Variants in XRCC5 observed in about 807,000 individuals in gnomAD.
XRCC5 encodes DNA repair protein Ku80.
A neutral mutation model predicts 95.7 loss-of-function variants in XRCC5; 12 were observed. The ratio of observed to expected loss-of-function variants is 0.13; its 90% confidence interval spans 0.08 to 0.20. The LOEUF is 0.20. Ranked by LOEUF, XRCC5 falls within the 10% of genes least tolerant of loss-of-function variation. The pLI, the probability that XRCC5 is intolerant of heterozygous loss-of-function variation, is 1.00. For synonymous variants in XRCC5, 281 were observed against 290.3 expected, an observed-to-expected ratio of 0.97 and a Z score of 0.33; for missense variants, 595 against 873.9, an observed-to-expected ratio of 0.68 and a Z score of 4.02.
At chr2:216,175,227 C>A in intron 16 of XRCC5, 1 of 384,054 alleles carries the variant, frequency 2.6e-6, no homozygotes, top group South Asian at 2.0e-5. Context: ...CCGTCACCTC[C>A]ACATCCATTA....
intron 10 of XRCC5, among the ~76,000 whole-genome samples, chr2:216,134,779 A>T (rs974111953): frequency 6.6e-6 from 1 of 151,962 alleles, no homozygotes; most frequent in African/African-American, 2.4e-5. Context: ...TCAAAGACAT[A>T]TAAATAAAAA....
intron 1 of XRCC5, chr2:216,110,637 C>T (rs1696570113): frequency 6.6e-6 from 1 of 152,200 alleles, no homozygotes; most frequent in African/African-American, 2.4e-5. Context: ...GAAATATAGA[C>T]CATTCTGCTT....
At chr2:216,181,260 AGT>A (rs1689381522) in intron 16 of XRCC5, among the ~76,000 whole-genome samples, 1 of 152,196 alleles carries the variant, frequency 6.6e-6, no homozygotes, top group African/African-American at 2.4e-5. Context: ...ATCATTGGAC[AGT>A]TCCAGCATCC....
At chr2:216,155,815 T>C (rs1688831577) in intron 14 of XRCC5, among the ~76,000 whole-genome samples, 1 of 152,066 alleles carries the variant, frequency 6.6e-6, no homozygotes, top group Admixed American at 6.6e-5. Flanking sequence ...GATATATCGG[T>C]GGGTACAAGA....
intron 13 of XRCC5, among the ~76,000 whole-genome samples, chr2:216,145,812 T>C (rs1244827358): frequency 6.6e-6 from 1 of 152,208 alleles, no homozygotes; most frequent in African/African-American, 2.4e-5. Flanking sequence ...GTAGGATACT[T>C]GTCCATTGGT....
At chr2:216,195,542 G>A (rs1178799945) in intron 19 of XRCC5, among the ~76,000 whole-genome samples, 1 of 151,634 alleles carries the variant, frequency 6.6e-6, no homozygotes, top group Non-Finnish European at 1.5e-5. Context: ...TCAGGTGATT[G>A]TATTGTATAG....
Position 216,141,242 on chromosome 2 carries a change from G to A in XRCC5, c.1399G>A (p.Asp467Asn). 1 of 1,614,146 alleles carries A rather than the reference G, an allele frequency of 6.2e-7. No homozygotes were observed. Among genetic ancestry groups the A allele is most frequent in the Non-Finnish European group, 8.5e-7 (1 of 1,179,990 alleles). ...TGACTCCATGAGCTTGGCAAAGAAA[G>A]ATGAGAAGACAGACACCCTTGAAGA... ...LIDSMSLAKK[D>N]EKTDTLEDLF... The change falls in exon 13 of 21, where the codon GAT (aspartate) becomes AAT (asparagine). Residue 467 changes from aspartate (D) to asparagine (N), a missense_variant. This residue lies in a region of XRCC5 where 309 missense variants were observed against 382.9 expected (regional missense o/e 0.81). Transcript: ENST00000392132.
intron 1 of XRCC5, among the ~76,000 whole-genome samples, chr2:216,112,363 CTTGAGTGGA>C (rs1696604118): frequency 6.6e-6 from 1 of 152,222 alleles, no homozygotes; most frequent in South Asian, 2.1e-4. Context: ...CTCCACCAGT[CTTGAGTGGA>C]TGCTCCTCCT....
At chr2:216,121,795 AC>A (rs1402345440) in intron 5 of XRCC5, among the ~76,000 whole-genome samples, 12 of 152,176 alleles carry the variant, frequency 7.9e-5, no homozygotes, top group African/African-American at 2.4e-4. Context: ...CACAGTTGAG[AC>A]CCTGGGTCTG....
In XRCC5 at chr2:216,199,873, T is replaced by C. The variant is rs72954669; in HGVS notation, c.2110-4449T>C. The stretch of plus-strand genomic sequence containing the variant: ...AGGCTGAGCTATATCTAAATAATCA[T>C]TTGATGTAAGCTCTGTGAAAAAAAA... On this transcript the variant is annotated intron_variant, in intron 19 of 20. Coordinates refer to ENST00000392132, the MANE Select transcript of XRCC5 (RefSeq NM_021141.4). Among the ~76,000 whole-genome samples the C allele has an allele frequency of 5.6e-4, 84 of 150,304 alleles. 1 individual carries two copies. Among genetic ancestry groups the C allele is most frequent in the Non-Finnish European group, 1.1e-3 (77 of 67,630 alleles).
chr2:216,171,642 T>C (rs1448102805), intron 16 of XRCC5, among the ~76,000 whole-genome samples: 1 of 152,228 alleles, frequency 6.6e-6, no homozygotes, highest in East Asian at 1.9e-4. Flanking sequence ...ATTTCATTGG[T>C]AGCCATTTGA....
intron 18 of XRCC5, among the ~76,000 whole-genome samples, 200 bp downstream of exon 18, chr2:216,192,935 G>C (rs1689645473): frequency 6.6e-6 from 1 of 152,152 alleles, no homozygotes; most frequent in African/African-American, 2.4e-5. Context: ...CATAAATACA[G>C]AGTGATAAAT....
intron 10 of XRCC5, among the ~76,000 whole-genome samples, chr2:216,134,397 C>G (rs1221051258): frequency 1.3e-5 from 2 of 151,542 alleles, no homozygotes; most frequent in African/African-American, 4.8e-5. Flanking sequence ...AGCAGTCATT[C>G]ACAGCCCCAT....
At chr2:216,195,132 TC>T in intron 19 of XRCC5, 146 bp downstream of exon 19, 1 of 701,126 alleles carries the variant, frequency 1.4e-6, no homozygotes, top group Non-Finnish European at 2.4e-6. Flanking sequence ...AACCACAGCA[TC>T]CCCATGGGAG....
At chr2:216,131,688 G>A (rs1439157776) in intron 9 of XRCC5, among the ~76,000 whole-genome samples, 1 of 152,164 alleles carries the variant, frequency 6.6e-6, no homozygotes, top group Non-Finnish European at 1.5e-5. Flanking sequence ...GTGCCTCAGT[G>A]TTACTCTTAG....
chr2:216,160,489 G>T (rs999660302), intron 15 of XRCC5, among the ~76,000 whole-genome samples: 1 of 152,094 alleles, frequency 6.6e-6, no homozygotes, highest in Non-Finnish European at 1.5e-5. Context: ...GTGGGGGTTA[G>T]TGATACGAGC....
At chr2:216,163,040 C>A (rs748406860) in intron 16 of XRCC5, among the ~76,000 whole-genome samples, 2 of 152,178 alleles carry the variant, frequency 1.3e-5, no homozygotes, top group African/African-American at 4.8e-5. Flanking sequence ...CCAAGTCTGG[C>A]CTGTCTGCGA....
At chr2:216,138,299 A>G (rs539607688) in intron 12 of XRCC5, 120 bp downstream of exon 12, 30 of 806,570 alleles carry the variant, frequency 3.7e-5, no homozygotes, top group Middle Eastern at 4.5e-4. Context: ...TGGATTTCCA[A>G]TCATACACTT....
At chr2:216,162,884 T>G (rs755425818) in intron 16 of XRCC5, among the ~76,000 whole-genome samples, 8 of 152,196 alleles carry the variant, frequency 5.3e-5, no homozygotes, top group Non-Finnish European at 1.2e-4. Context: ...AAAAATAGCT[T>G]TCAGGGATGC....
Sources: allele counts gnomAD v4.1 joint callset (sites outside exome capture counted in the v4.1 genomes callset), GRCh38; gene constraint gnomAD v4.1.1; regional missense constraint gnomAD v4.1.1; transcripts MANE v1.5; gene names NCBI Gene and HGNC (gene_info 2026-07-23, HGNC 2026-07-21).